SLC25A30: variants seen among roughly 807,000 people sequenced by gnomAD.
The protein encoded by SLC25A30 is solute carrier family 25 member 30, also known as kidney mitochondrial carrier protein 1.
A neutral mutation model predicts 42.7 loss-of-function variants in SLC25A30; 29 were observed. The ratio of observed to expected loss-of-function variants is 0.68; its 90% CI spans 0.51 to 0.93. SLC25A30 has a LOEUF of 0.93. SLC25A30 is among the 40% of genes least tolerant of loss of function. The pLI is 0.00. For synonymous variants in SLC25A30, 124 were observed against 131.0 expected (o/e 0.95, Z 0.37); for missense variants, 300 against 359.7 (o/e 0.83, Z 1.34).
chr13:45,431,668 G>A, the SLC25A30 span, among the ~76,000 whole-genome samples: 16 of 151,924 alleles, frequency 1.1e-4, no homozygotes, highest in Non-Finnish European at 1.9e-4. Flanking sequence ...ACAGGCGTGA[G>A]CCACCGCACC....
At chr13:45,398,907 C>T in intron 8 of SLC25A30, 33 bp downstream of exon 8, 2 of 1,593,614 alleles carry the variant, frequency 1.3e-6, no homozygotes, top group South Asian at 1.1e-5. Flanking sequence ...ATATATAATT[C>T]ACAACCCTGC....
At position 45,393,633 on chromosome 13, in the gene SLC25A30, AG is replaced by A; in HGVS notation, c.*2340del. ...AACCCAAAGGTGGGGAGGTACTTAT[AG>A]CCAGAACCCTGACAACGAGGGGACC... is the stretch of plus-strand genomic sequence containing the variant. On this transcript the variant is annotated 3_prime_UTR_variant, in exon 10 of 10. Transcript: ENST00000519676. 1 of 985,468 alleles carries A rather than the reference AG, an allele frequency of 1.0e-6. No homozygotes were observed. Among genetic ancestry groups the A allele is most frequent in the Non-Finnish European group, 1.2e-6 (1 of 829,938 alleles). 61.0% of individuals were successfully genotyped at this position (985,468 alleles called of 1,614,324 possible). A position where few individuals can be genotyped will look rare whatever the true frequency, so the allele number is the denominator to read the frequency against.
chr13:45,396,043 G>A, intron 9 of SLC25A30, 28 bp from the exon 10 acceptor site: 3 of 1,614,168 alleles, frequency 1.9e-6, no homozygotes, highest in Non-Finnish European at 2.5e-6. Context: ...GGATGACACA[G>A]AAAATGCCAT....
the SLC25A30 span, among the ~76,000 whole-genome samples, chr13:45,423,832 A>ATATATATAAATATATATT: frequency 9.1e-5 from 5 of 54,820 alleles, no homozygotes; most frequent in African/African-American, 4.6e-4. Context: ...ATATATATTT[A>ATATATATAAATATATATT]TATATATAAA....
upstream of SLC25A30, among the ~76,000 whole-genome samples, chr13:45,419,213 A>G (rs1883804496): frequency 6.7e-6 from 1 of 148,984 alleles, no homozygotes; most frequent in Non-Finnish European, 1.5e-5. Flanking sequence ...AGAAATCTTT[A>G]CATATATATC....
At chr13:45,401,297 A>T in intron 6 of SLC25A30, 90 bp from the exon 7 acceptor site, 2 of 1,335,646 alleles carry the variant, frequency 1.5e-6, no homozygotes, top group African/African-American at 1.5e-5. Context: ...TCCATAAACT[A>T]TGATCAAGGT....
rs138488525 is a variant in SLC25A30, at chr13:45,396,323, TGAGA to T, written c.835-312_835-309del. On this transcript the variant is annotated intron_variant, in intron 9 of 9. Transcript: ENST00000519676. ...AAAACTTTCCAGCACTGTAAGCTTT[TGAGA>T]GAGAGAGAGAGAGAGAGAGTTAGCA... The T allele has an allele frequency of 3.9e-4, 448 of 1,158,686 alleles. 3 individuals carry two copies. The highest frequency in any genetic ancestry group is 3.4e-3 in the South Asian group (147 of 42,638). 71.8% of individuals were successfully genotyped at this position (1,158,686 alleles called of 1,614,324 possible). A position where few individuals can be genotyped will look rare whatever the true frequency, so the allele number is the denominator to read the frequency against.
At chr13:45,433,031 T>TAA in the SLC25A30 span, among the ~76,000 whole-genome samples, 21 of 16,918 alleles carry the variant, frequency 1.2e-3, no homozygotes, top group African/African-American at 6.0e-3. Context: ...AGACTCTTTC[T>TAA]CAAAAAAAAA....
Position 45,395,666 on chromosome 13 carries a change from T to C in SLC25A30, c.*308A>G. 2 of 1,260,542 alleles carry C rather than the reference T, an allele frequency of 1.6e-6. No homozygotes were observed. Among genetic ancestry groups the C allele is most frequent in the Non-Finnish European group, 2.0e-6 (2 of 990,258 alleles). 78.1% of individuals were successfully genotyped at this position (1,260,542 alleles called of 1,614,324 possible). A position where few individuals can be genotyped will look rare whatever the true frequency, so the allele number is the denominator to read the frequency against. Reference sequence around the variant, plus strand: ...GAGCTACTCTCCCTGAATAAAACAATACATCGCTCCTGATTTTCTTGCAAG... The same window carrying C: ...GAGCTACTCTCCCTGAATAAAACAACACATCGCTCCTGATTTTCTTGCAAG... On this transcript the variant is annotated 3_prime_UTR_variant, in exon 10 of 10. Transcript: ENST00000519676.
chr13:45,423,614 T>C, the SLC25A30 span, among the ~76,000 whole-genome samples: 1 of 98,686 alleles, frequency 1.0e-5, no homozygotes, highest in African/African-American at 4.2e-5. Context: ...TAAATATATA[T>C]AAAATATATA....
chr13:45,409,714 CAGG>C, intron 2 of SLC25A30, among the ~76,000 whole-genome samples: 1 of 152,228 alleles, frequency 6.6e-6, no homozygotes, highest in African/African-American at 2.4e-5. Flanking sequence ...GAGGCTGAGG[CAGG>C]AGAATTGCTT....
At chr13:45,424,108 T>A in the SLC25A30 span, among the ~76,000 whole-genome samples, 8 of 96,634 alleles carry the variant, frequency 8.3e-5, no homozygotes, top group East Asian at 3.2e-4. Context: ...TATATAAAAA[T>A]ATATATAAAT....
At position 45,400,063 on chromosome 13, in the gene SLC25A30, CACAT is replaced by C. The variant is rs1315144686; in HGVS notation, c.615-989_615-986del. Among the ~76,000 whole-genome samples, 3 of 146,716 alleles carry C rather than the reference CACAT, an allele frequency of 2.0e-5. No individual in the cohort carries two copies. The East Asian group carries it at 5.9e-4, about 29-fold the overall frequency. The stretch of plus-strand genomic sequence containing the variant: ...ACACACACACACACACACACACACA[CACAT>C]ATGAATGATAATATATATGTATGAT... On this transcript the variant is annotated intron_variant, in intron 7 of 9. Transcript: ENST00000519676.
At chr13:45,407,820 T>C (rs1189846843) in intron 3 of SLC25A30, among the ~76,000 whole-genome samples, 1 of 152,206 alleles carries the variant, frequency 6.6e-6, no homozygotes, top group African/African-American at 2.4e-5. Context: ...TCTTGGCTCC[T>C]CCTTCCCTTC....
chr13:45,405,345 A>G (rs1882398611), intron 4 of SLC25A30, among the ~76,000 whole-genome samples: 1 of 152,232 alleles, frequency 6.6e-6, no homozygotes, highest in Non-Finnish European at 1.5e-5. Flanking sequence ...TTTAAAGCAC[A>G]TCGTATGTAT....
chr13:45,411,294 G>T, intron 2 of SLC25A30, 68 bp downstream of exon 2: 1 of 1,150,464 alleles, frequency 8.7e-7, no homozygotes, highest in Non-Finnish European at 1.3e-6. Context: ...TTCTACACTT[G>T]AACTACATTC....
At chr13:45,402,093 T>G (rs1230668407) in intron 6 of SLC25A30, among the ~76,000 whole-genome samples, 182 bp downstream of exon 6, 1 of 151,072 alleles carries the variant, frequency 6.6e-6, no homozygotes, top group African/African-American at 2.4e-5. Flanking sequence ...TCATGACATA[T>G]TCCTTATATT....
chr13:45,400,561 G>A (rs1408092698), intron 7 of SLC25A30, among the ~76,000 whole-genome samples: 1 of 152,146 alleles, frequency 6.6e-6, no homozygotes, highest in East Asian at 1.9e-4. Flanking sequence ...CCGTCGCCCA[G>A]TCAAGGCTCA....
intron 5 of SLC25A30, among the ~76,000 whole-genome samples, chr13:45,403,520 C>T (rs929297498): frequency 1.3e-5 from 2 of 152,032 alleles, no homozygotes; most frequent in Non-Finnish European, 2.9e-5. Flanking sequence ...TAATTAGTTG[C>T]TTCCAAAAAA....
Sources: gnomAD v4.1 joint callset for allele counts (sites outside exome capture counted in the v4.1 genomes callset) on GRCh38, gnomAD v4.1.1 for gene constraint, MANE v1.5 for transcripts, NCBI Gene and HGNC (gene_info 2026-07-23, HGNC 2026-07-21) for gene names.